Variants in CHST10 observed in about 807,000 individuals in gnomAD.
The protein encoded by CHST10 is HNK-1 sulfotransferase.
CHST10 carries 24 observed loss-of-function variants against 34.7 expected under a neutral mutation model. The ratio of observed to expected loss-of-function variants is 0.69; its 90% CI spans 0.50 to 0.97. CHST10 has a LOEUF of 0.97. Among genes scored for constraint, CHST10 ranks in the 50% least tolerant of loss-of-function variants. The pLI, the probability that CHST10 is intolerant of heterozygous loss-of-function variation, is 0.00. For missense variants in CHST10, 402 were observed against 452.1 expected, an observed-to-expected ratio of 0.89 and a Z score of 1.00; for synonymous variants, 161 against 169.3, an observed-to-expected ratio of 0.95 and a Z score of 0.38.
At position 100,417,399 on chromosome 2, in the gene CHST10, T is replaced by A. The variant is rs1426919316; in HGVS notation, c.-129A>T. The A allele has an allele frequency of 7.3e-6, 2 of 272,576 alleles. No homozygotes were observed. The highest frequency in any genetic ancestry group is 1.5e-5 in the Non-Finnish European group (2 of 137,314). 16.9% of individuals were successfully genotyped at this position (272,576 alleles called of 1,614,324 possible). Reference sequence around the variant, plus strand: ...CCTACTGGAGCGGCGCTCGTCCGGGTCCTTAGGCTCCTCCCCTGGCCCTGG... The same window carrying A: ...CCTACTGGAGCGGCGCTCGTCCGGGACCTTAGGCTCCTCCCCTGGCCCTGG... On this transcript the variant is annotated 5_prime_UTR_variant, in exon 1 of 7. Coordinates refer to ENST00000264249, the MANE Select transcript of CHST10 (RefSeq NM_004854.5).
At chr2:100,416,790 C>A (rs1449044438) in intron 1 of CHST10, 4 of 389,966 alleles carry the variant, frequency 1.0e-5, no homozygotes, top group Non-Finnish European at 2.0e-5. Flanking sequence ...ACTGCCCAAC[C>A]CTTTCCTGCC....
chr2:100,396,866 T>G (rs956231813), intron 5 of CHST10, among the ~76,000 whole-genome samples: 1 of 152,270 alleles, frequency 6.6e-6, no homozygotes, highest in Non-Finnish European at 1.5e-5. Flanking sequence ...TTTGTGAGCC[T>G]TTGTATATTC....
intron 4 of CHST10, among the ~76,000 whole-genome samples, chr2:100,401,425 C>T (rs989510993): frequency 2.6e-5 from 4 of 152,148 alleles, no homozygotes; most frequent in Admixed American, 6.5e-5. Flanking sequence ...TCCGGGAGCA[C>T]CCTCCACCCG....
chr2:100,393,183 C>T lies in CHST10; in HGVS notation c.*62G>A. ...GTGGAGGAAGGGTCATTTCTGGGCT[C>T]AGATCTTCACCTGGTTAGCCCCAGG... is the stretch of plus-strand genomic sequence containing the variant. On this transcript the variant is annotated 3_prime_UTR_variant, in exon 7 of 7. Transcript: ENST00000264249. 1 of 1,556,804 alleles carries T rather than the reference C, an allele frequency of 6.4e-7. No individual in the cohort carries two copies. The highest frequency in any genetic ancestry group is 1.4e-5 in the African/African-American group (1 of 73,536).
intron 1 of CHST10, 174 bp downstream of exon 1, chr2:100,417,200 G>T: frequency 1.9e-6 from 1 of 525,048 alleles, no homozygotes; most frequent in Non-Finnish European, 3.3e-6. Context: ...TTAACGCGAG[G>T]AAGGCTCTTC....
intron 4 of CHST10, among the ~76,000 whole-genome samples, chr2:100,400,629 C>T (rs760410771): frequency 2.6e-5 from 4 of 152,226 alleles, no homozygotes; most frequent in Admixed American, 6.5e-5. Context: ...AACTTAAAGA[C>T]AAATATTATT....
At chr2:100,400,014 C>G (rs1675264412) in intron 4 of CHST10, among the ~76,000 whole-genome samples, 1 of 152,186 alleles carries the variant, frequency 6.6e-6, no homozygotes, top group African/African-American at 2.4e-5. Context: ...ATCCATCCCA[C>G]CTCTTGCTCA....
chr2:100,394,770 C>T (rs1208964569), intron 6 of CHST10, among the ~76,000 whole-genome samples: 1 of 150,744 alleles, frequency 6.6e-6, no homozygotes, highest in Non-Finnish European at 1.5e-5. Flanking sequence ...GTCGCCCCAG[C>T]TAGAGTACGG....
At chr2:100,393,812 T>A (rs375864232) in intron 6 of CHST10, 30 bp from the exon 7 acceptor site, 7 of 1,575,998 alleles carry the variant, frequency 4.4e-6, no homozygotes, top group Non-Finnish European at 5.2e-6. Context: ...AGAGGTTAAC[T>A]TGATGCCACA....
In CHST10 at chr2:100,393,471, T is replaced by A. The variant is rs768798605; in HGVS notation, c.845A>T (p.His282Leu). The A allele has an allele frequency of 1.2e-6, 2 of 1,614,060 alleles. No homozygotes were observed. Among genetic ancestry groups the A allele is most frequent in the East Asian group, 4.5e-5 (2 of 44,886 alleles). The change falls in exon 7 of 7, where the codon CAC (histidine) becomes CTC (leucine). Residue 282 changes from histidine to leucine, a missense_variant. His to Leu is a moderately conservative substitution (Grantham distance 99). Transcript: ENST00000264249. ...PCEIMYSVIG[H>L]HETLEDDAPY... ...GGCATCGTCCTCCAGGGTCTCGTGGTGTCCAATCACACTGTACATTATCTC... is the reference window on the plus strand; with the variant it reads ...GGCATCGTCCTCCAGGGTCTCGTGGAGTCCAATCACACTGTACATTATCTC...
chr2:100,416,848 C>T (rs1676088566), intron 1 of CHST10: 8 of 670,434 alleles, frequency 1.2e-5, no homozygotes, highest in Non-Finnish European at 6.9e-6. Context: ...CCTGGTTCAC[C>T]TTCCCAGCCA....
At chr2:100,396,734 T>C (rs558263348) in intron 5 of CHST10, among the ~76,000 whole-genome samples, 1 of 152,246 alleles carries the variant, frequency 6.6e-6, no homozygotes, top group South Asian at 2.1e-4. Flanking sequence ...TTACCGAAGA[T>C]AGCCACAAGG....
At chr2:100,401,913 T>G (rs769504191) in intron 4 of CHST10, among the ~76,000 whole-genome samples, 30 of 152,162 alleles carry the variant, frequency 2.0e-4, no homozygotes, top group Non-Finnish European at 3.8e-4. Flanking sequence ...CTGGAACAAT[T>G]GCAACTTCAA....
At chr2:100,402,519 G>A (rs1675388204) in intron 4 of CHST10, 45 bp downstream of exon 4, 3 of 1,531,198 alleles carry the variant, frequency 2.0e-6, no homozygotes, top group Admixed American at 3.3e-5. Context: ...CGCGACAAGG[G>A]TGCCGTGTTC....
chr2:100,415,529 T>C (rs190692387), intron 1 of CHST10, among the ~76,000 whole-genome samples: 22 of 152,234 alleles, frequency 1.4e-4, no homozygotes, highest in Admixed American at 1.4e-3. Flanking sequence ...TGCCATATCA[T>C]AAAAAACCAG....
intron 4 of CHST10, among the ~76,000 whole-genome samples, chr2:100,401,344 C>A (rs1252585209): frequency 6.6e-6 from 1 of 152,164 alleles, no homozygotes; most frequent in East Asian, 1.9e-4. Flanking sequence ...CAGTAAAGTA[C>A]ACTGCAAACT....
chr2:100,402,517 G>A, intron 4 of CHST10, 47 bp downstream of exon 4: 1 of 1,524,886 alleles, frequency 6.6e-7, no homozygotes, highest in South Asian at 1.1e-5. Context: ...CCCGCGACAA[G>A]GGTGCCGTGT....
chr2:100,399,102 CTT>C lies in CHST10; in HGVS notation c.193-962_193-961del, dbSNP rs34834152. Among the ~76,000 whole-genome samples the C allele has an allele frequency of 4.9e-3, 670 of 137,564 alleles. 2 individuals carry two copies. The highest frequency in any genetic ancestry group is 6.9e-3 in the South Asian group (30 of 4,338). 90.2% of individuals were successfully genotyped at this position (137,564 alleles called of 152,430 possible). A position where few individuals can be genotyped will look rare whatever the true frequency, so the allele number is the denominator to read the frequency against. ...TCAGCTGCTACATCTCTCTCTCTCT[CTT>C]TTTTTTTTTTTTTTTATGAGACGGA... On this transcript the variant is annotated intron_variant, in intron 4 of 6. Transcript: ENST00000264249.
At chr2:100,396,321 T>C (rs934920569) in intron 5 of CHST10, among the ~76,000 whole-genome samples, 5 of 152,216 alleles carry the variant, frequency 3.3e-5, no homozygotes, top group African/African-American at 1.2e-4. Context: ...GGCTGCTGAA[T>C]GGAACTTGGG....
Sources: allele counts gnomAD v4.1 joint callset (sites outside exome capture counted in the v4.1 genomes callset), GRCh38; gene constraint gnomAD v4.1.1; transcripts MANE v1.5; gene names NCBI Gene and HGNC (gene_info 2026-07-23, HGNC 2026-07-21).